ECH1: variants seen among roughly 807,000 people sequenced by gnomAD.
The protein encoded by ECH1 is enoyl-CoA hydratase 1.
ECH1 carries 30 observed loss-of-function variants against 37.0 expected under a neutral mutation model. That is an observed-to-expected ratio of 0.81 (90% CI 0.61 to 1.10). The LOEUF is 1.10. Among genes scored for constraint, ECH1 ranks in the 50% least tolerant of loss-of-function variants. The probability of loss-of-function intolerance (pLI) is 0.00; values close to 1 mark genes in which losing one functional copy is unlikely to be tolerated. For synonymous variants in ECH1, 178 were observed against 176.0 expected (o/e 1.01, Z -0.09); for missense variants, 456 against 441.6 (o/e 1.03, Z -0.29).
intron 3 of ECH1, chr19:38,818,200 G>C: frequency 2.0e-6 from 2 of 983,896 alleles, no homozygotes; most frequent in Non-Finnish European, 2.4e-6. Context: ...GCTGGCTCCA[G>C]AGGCCATGCT....
intron 6 of ECH1, chr19:38,816,861 A>C: frequency 1.5e-6 from 1 of 665,818 alleles, no homozygotes; most frequent in Non-Finnish European, 2.6e-6. Flanking sequence ...CCCAGGAGCA[A>C]TCTCTGCCTC....
In ECH1 at chr19:38,815,935, G is replaced by A; in HGVS notation, c.804C>T (p.Ser268=). The change falls in exon 9 of 10, where the codon AGC becomes AGT. Residue 268 remains serine, a synonymous_variant. Coordinates refer to ENST00000221418, the MANE Select transcript of ECH1 (RefSeq NM_001398.3). ...CCTTGGTGCTCTGCACCGCCACGGG[G>A]CTCTTGCTGGAAATCTCGGCCGCCA... is the stretch of plus-strand genomic sequence containing the variant. ...LALAAEISSK[S]PVAVQSTKVN... is the part of the protein sequence containing the mutation. 1 of 1,614,184 alleles carries A rather than the reference G, an allele frequency of 6.2e-7. No individual in the cohort carries two copies.
At chr19:38,831,271 C>T (rs1283743703) in intron 2 of ECH1, 38 bp downstream of exon 2, 1 of 1,604,260 alleles carries the variant, frequency 6.2e-7, no homozygotes, top group South Asian at 1.1e-5. Flanking sequence ...AGCCCCGCCT[C>T]CCCCCGCAGG....
chr19:38,821,951 A>G (rs888602320), intron 3 of ECH1, among the ~76,000 whole-genome samples: 1 of 152,246 alleles, frequency 6.6e-6, no homozygotes, highest in African/African-American at 2.4e-5. Context: ...GGGGATTTGG[A>G]GAACATTTAT....
At chr19:38,815,802 G>C in intron 9 of ECH1, 55 bp downstream of exon 9, 1 of 1,613,178 alleles carries the variant, frequency 6.2e-7, no homozygotes, top group South Asian at 1.1e-5. Flanking sequence ...CCTGCACCCT[G>C]GTTGGTCGCC....
chr19:38,819,007 G>GCA (rs1971622544), intron 3 of ECH1: 1 of 447,146 alleles, frequency 2.2e-6, no homozygotes, highest in African/African-American at 2.3e-5. Context: ...GTGTGTGTGT[G>GCA]TGCGGGCACG....
At position 38,815,912 on chromosome 19, in the gene ECH1, T is replaced by C; in HGVS notation, c.827A>G (p.Lys276Arg). 6.2e-7 allele frequency: 1 copy of C among 1,614,192 alleles called. No individual in the cohort carries two copies. The highest frequency in any genetic ancestry group is 8.5e-7 in the Non-Finnish European group (1 of 1,180,026). Residue 276 changes from lysine (K) to arginine (R), a missense_variant, in exon 9 of 10, where the codon AAG becomes AGG. Physicochemically the swap from Lys to Arg is conservative, Grantham distance 26 (BLOSUM62 2). Coordinates refer to ENST00000221418, the MANE Select transcript of ECH1 (RefSeq NM_001398.3). ...GTCGCGGGAATACAGCAGGTTGACC[T>C]TGGTGCTCTGCACCGCCACGGGGCT... ...SKSPVAVQST[K>R]VNLLYSRDHS...
intron 3 of ECH1, among the ~76,000 whole-genome samples, chr19:38,822,799 G>A (rs528213653): frequency 1.3e-5 from 2 of 152,324 alleles, no homozygotes; most frequent in South Asian, 4.1e-4. Flanking sequence ...TGTGGGTGGG[G>A]ACAGATAAGG....
chr19:38,827,270 G>A (rs570466699), intron 3 of ECH1, among the ~76,000 whole-genome samples: 8 of 152,328 alleles, frequency 5.3e-5, no homozygotes, highest in Admixed American at 2.6e-4. Context: ...TCAAGACTGG[G>A]TTCCCAGCAC....
rs1600031458 is a variant in ECH1 at position 38,831,292 on chromosome 19, G to A, written c.260+17C>T. The A allele has an allele frequency of 6.2e-7, 1 of 1,607,812 alleles. No individual in the cohort carries two copies. The highest frequency in any genetic ancestry group is 8.5e-7 in the Non-Finnish European group (1 of 1,175,508). On this transcript the variant is annotated intron_variant, in intron 2 of 9. Transcript: ENST00000221418. ...GCCTCCCCCCGCAGGCAGGCCTCCA[G>A]GATCTGCAGGTCAGACCTCCAGAAG... is the stretch of plus-strand genomic sequence containing the variant.
intron 8 of ECH1, 91 bp downstream of exon 8, chr19:38,816,193 C>T: frequency 6.5e-7 from 1 of 1,536,262 alleles, no homozygotes; most frequent in Non-Finnish European, 8.8e-7. Context: ...ACTAGGAATT[C>T]TAGAGCGAGG....
intron 3 of ECH1, among the ~76,000 whole-genome samples, chr19:38,822,510 A>C (rs1052918297): frequency 1.3e-5 from 2 of 151,362 alleles, no homozygotes; most frequent in Admixed American, 6.6e-5. Context: ...GACTTGGAGA[A>C]TCTTTATGTC....
Position 38,831,062 on chromosome 19 carries a change from G to T in ECH1, c.349+16C>A. 1 of 1,612,504 alleles carries T rather than the reference G, an allele frequency of 6.2e-7. No homozygotes were observed. The highest frequency in any genetic ancestry group is 8.5e-7 in the Non-Finnish European group (1 of 1,178,550). On this transcript the variant is annotated intron_variant, in intron 3 of 9. Transcript: ENST00000221418. ...AGCTAGGAAGGCTGGCAGGGTGTGT[G>T]AAGAGCGTCTGGTACCTGCAGTGAA...
In ECH1 at chr19:38,815,850, A is replaced by C. The variant is rs775841218; in HGVS notation, c.882+7T>G. Reference sequence around the variant, plus strand: ...AGGGCTGTGATTGGTCGGAGCGTGCACCTTACCACGTAGTTGAGGCTCTCG... The same window carrying C: ...AGGGCTGTGATTGGTCGGAGCGTGCCCCTTACCACGTAGTTGAGGCTCTCG... On this transcript the variant is annotated splice_region_variant and intron_variant, in intron 9 of 9. Coordinates refer to ENST00000221418, the MANE Select transcript of ECH1 (RefSeq NM_001398.3). 6.2e-7 allele frequency: 1 copy of C among 1,614,154 alleles called. No homozygotes were observed. The highest frequency in any genetic ancestry group is 8.5e-7 in the Non-Finnish European group (1 of 1,180,016).
Position 38,815,450 on chromosome 19 carries a change from G to T in ECH1, c.*163C>A. 1.5e-6 allele frequency: 1 copy of T among 658,714 alleles called. No homozygotes were observed. Among genetic ancestry groups the T allele is most frequent in the Non-Finnish European group, 2.6e-6 (1 of 384,964 alleles). The allele number at this position is 658,714 out of a possible 1,614,324, so 40.8% of individuals were successfully genotyped here. A position where few individuals can be genotyped will look rare whatever the true frequency, so the allele number is the denominator to read the frequency against. On this transcript the variant is annotated 3_prime_UTR_variant, in exon 10 of 10. Transcript: ENST00000221418. ...TTTACTTTGCTTTATTGTTTGTGGGGTGAAGATAAGGCCTTGGGCTTGAGA... is the reference window on the plus strand; with the variant it reads ...TTTACTTTGCTTTATTGTTTGTGGGTTGAAGATAAGGCCTTGGGCTTGAGA...
Position 38,815,441 on chromosome 19 carries a change from G to T in ECH1, c.*172C>A. ...ACCAGGTTCTTTACTTTGCTTTATT[G>T]TTTGTGGGGTGAAGATAAGGCCTTG... On this transcript the variant is annotated 3_prime_UTR_variant, in exon 10 of 10. Transcript: ENST00000221418. 1.6e-6 allele frequency: 1 copy of T among 644,478 alleles called. No homozygotes were observed. The highest frequency in any genetic ancestry group is 2.8e-5 in the Admixed American group (1 of 35,358). 39.9% of individuals were successfully genotyped at this position (644,478 alleles called of 1,614,324 possible).
intron 3 of ECH1, among the ~76,000 whole-genome samples, chr19:38,828,381 A>G (rs929162440): frequency 4.0e-5 from 6 of 151,068 alleles, no homozygotes; most frequent in Non-Finnish European, 7.4e-5. Flanking sequence ...ACAGGCATGC[A>G]CCACCACGCC....
chr19:38,830,834 G>T (rs1291921543), intron 3 of ECH1: 3 of 518,248 alleles, frequency 5.8e-6, no homozygotes, highest in Non-Finnish European at 1.0e-5. Context: ...TTAGCTGGGT[G>T]TGGTGGCCCA....
intron 3 of ECH1, among the ~76,000 whole-genome samples, chr19:38,821,713 G>A (rs1297435300): frequency 3.3e-5 from 5 of 152,186 alleles, no homozygotes; most frequent in African/African-American, 4.8e-5. Flanking sequence ...AATACTTGCC[G>A]GGCCTCAGCT....
Sources: gnomAD v4.1 joint callset for allele counts (sites outside exome capture counted in the v4.1 genomes callset) on GRCh38, gnomAD v4.1.1 for gene constraint, MANE v1.5 for transcripts, NCBI Gene and HGNC (gene_info 2026-07-23, HGNC 2026-07-21) for gene names.